ZNF892: variants seen among roughly 807,000 people sequenced by gnomAD.
ZNF892 encodes zinc finger protein 892, also known as zinc finger protein 570-like.
At chr2:95,261,728 A>C in the ZNF892 span, among the ~76,000 whole-genome samples, 1 of 152,184 alleles carries the variant, frequency 6.6e-6, no homozygotes, top group African/African-American at 2.4e-5. Flanking sequence ...TCGATAGAGG[A>C]AGTTGCCTTG....
the ZNF892 span, among the ~76,000 whole-genome samples, chr2:95,245,970 T>C: frequency 6.6e-6 from 1 of 152,168 alleles, no homozygotes; most frequent in South Asian, 2.1e-4. Flanking sequence ...CTACTGAAAG[T>C]ATTCAAAAAA....
chr2:95,242,681 T>C, the ZNF892 span, among the ~76,000 whole-genome samples: 783 of 152,268 alleles, frequency 5.1e-3, 8 homozygotes, highest in African/African-American at 0.018. Flanking sequence ...ATGCTTCCAA[T>C]TAAAAGACAC....
the ZNF892 span, among the ~76,000 whole-genome samples, chr2:95,227,467 G>A: frequency 2.0e-5 from 3 of 151,696 alleles, no homozygotes; most frequent in Non-Finnish European, 4.4e-5. Context: ...GGGACTATAA[G>A]TGCACACCAC....
chr2:95,258,747 TC>T, the ZNF892 span, among the ~76,000 whole-genome samples: 5 of 152,074 alleles, frequency 3.3e-5, no homozygotes, highest in Non-Finnish European at 7.3e-5. Flanking sequence ...GTCCATAGGT[TC>T]TAGAGCAAAT....
At chr2:95,244,092 T>A in the ZNF892 span, among the ~76,000 whole-genome samples, 3 of 151,006 alleles carry the variant, frequency 2.0e-5, no homozygotes, top group Non-Finnish European at 4.4e-5. Flanking sequence ...CAGGGTTGAA[T>A]GGATTAAGGG....
At chr2:95,251,095 C>G in the ZNF892 span, among the ~76,000 whole-genome samples, 1 of 151,468 alleles carries the variant, frequency 6.6e-6, no homozygotes, top group Admixed American at 6.6e-5. Context: ...TTCAGTAGAG[C>G]TCTTTTACAA....
the ZNF892 span, among the ~76,000 whole-genome samples, chr2:95,213,984 G>A: frequency 6.6e-6 from 1 of 151,982 alleles, no homozygotes; most frequent in African/African-American, 2.4e-5. Flanking sequence ...TCCTCTAAAG[G>A]ATCTATCTCC....
At chr2:95,260,260 C>T in the ZNF892 span, among the ~76,000 whole-genome samples, 63 of 152,288 alleles carry the variant, frequency 4.1e-4, 1 homozygote, top group African/African-American at 1.3e-3. Flanking sequence ...TCCTCCTGGG[C>T]GCCAAACACA....
the ZNF892 span, among the ~76,000 whole-genome samples, chr2:95,217,055 T>C: frequency 1.8e-4 from 27 of 152,232 alleles, no homozygotes; most frequent in Non-Finnish European, 1.8e-4. Context: ...TCAAGGTGCC[T>C]GCTGACTCTG....
chr2:95,250,787 A>C, the ZNF892 span, among the ~76,000 whole-genome samples: 1 of 145,666 alleles, frequency 6.9e-6, no homozygotes, highest in Non-Finnish European at 1.5e-5. Flanking sequence ...ATAAATTTAT[A>C]AATATAAAAT....
At chr2:95,251,241 T>C in the ZNF892 span, among the ~76,000 whole-genome samples, 1 of 152,140 alleles carries the variant, frequency 6.6e-6, no homozygotes, top group Non-Finnish European at 1.5e-5. Context: ...TAGGTATAAA[T>C]ACAGGAATAC....
chr2:95,258,634 C>A, the ZNF892 span, among the ~76,000 whole-genome samples: 14 of 152,244 alleles, frequency 9.2e-5, no homozygotes, highest in Middle Eastern at 3.4e-3. Flanking sequence ...AAAAGTGGAA[C>A]CTTTGAAGAG....
At chr2:95,217,698 C>T in the ZNF892 span, among the ~76,000 whole-genome samples, 4 of 152,154 alleles carry the variant, frequency 2.6e-5, no homozygotes, top group African/African-American at 4.8e-5. Context: ...TCCATTAGGC[C>T]TTCGTTTCGT....
At chr2:95,223,225 A>G in the ZNF892 span, among the ~76,000 whole-genome samples, 1 of 152,098 alleles carries the variant, frequency 6.6e-6, no homozygotes. Flanking sequence ...CCACTGTCAT[A>G]TATTTGTCTA....
chr2:95,229,710 A>G, the ZNF892 span, among the ~76,000 whole-genome samples: 2 of 152,196 alleles, frequency 1.3e-5, no homozygotes, highest in Non-Finnish European at 2.9e-5. Flanking sequence ...GTTGATAGAT[A>G]ATTGAATTGT....
chr2:95,221,000 A>G, the ZNF892 span, among the ~76,000 whole-genome samples: 9 of 152,250 alleles, frequency 5.9e-5, no homozygotes, highest in Non-Finnish European at 1.3e-4. Context: ...TTGCCATATG[A>G]CATATGATAT....
the ZNF892 span, among the ~76,000 whole-genome samples, chr2:95,212,466 T>G: frequency 6.6e-6 from 1 of 152,228 alleles, no homozygotes; most frequent in Non-Finnish European, 1.5e-5. Flanking sequence ...TTTTAGAAAG[T>G]AAATACTTTC....
At chr2:95,222,446 A>G in the ZNF892 span, among the ~76,000 whole-genome samples, 1 of 152,230 alleles carries the variant, frequency 6.6e-6, no homozygotes, top group Non-Finnish European at 1.5e-5. Flanking sequence ...TTTTCCCACC[A>G]GCAACGTATG....
At chr2:95,255,082 G>T in the ZNF892 span, among the ~76,000 whole-genome samples, 1 of 152,140 alleles carries the variant, frequency 6.6e-6, no homozygotes, top group African/African-American at 2.4e-5. Context: ...ATATCCTTCA[G>T]TTCTGCTCTG....
Sources: allele counts gnomAD v4.1 joint callset (sites outside exome capture counted in the v4.1 genomes callset), GRCh38; gene constraint gnomAD v4.1.1; transcripts MANE v1.5; gene names NCBI Gene and HGNC (gene_info 2026-07-23, HGNC 2026-07-21).